The following MILR1 variants were observed in gnomAD, a reference collection of about 807,000 sequenced individuals.
MILR1 encodes mast cell immunoglobulin like receptor 1.
In MILR1, 31 loss-of-function variants were observed where a neutral mutation model predicts 18.5. The observed-to-expected ratio is 1.68, with a 90% CI of 1.26 to 2.26. The LOEUF (loss-of-function observed/expected upper bound fraction) is 2.26. MILR1 is among the 30% of genes most tolerant of loss of function. The pLI is 0.00. For missense variants in MILR1, 257 were observed against 157.4 expected, an observed-to-expected ratio of 1.63 and a Z score of -3.38; for synonymous variants, 85 against 56.2, an observed-to-expected ratio of 1.51 and a Z score of -2.30.
At chr17:64,458,792 A>C (rs1347506499) in intron 4 of MILR1, among the ~76,000 whole-genome samples, 1 of 151,928 alleles carries the variant, frequency 6.6e-6, no homozygotes, top group Non-Finnish European at 1.5e-5. Context: ...CCCCTGCCCA[A>C]TCAGATCAGA....
chr17:64,490,773 T>G, the MILR1 span: 2 of 1,589,560 alleles, frequency 1.3e-6, no homozygotes, highest in Non-Finnish European at 1.7e-6. Flanking sequence ...AAAAAATACA[T>G]AGGAGCTCCA....
intron 2 of MILR1, among the ~76,000 whole-genome samples, chr17:64,450,896 C>T (rs1225744938): frequency 6.6e-6 from 1 of 152,190 alleles, no homozygotes; most frequent in Non-Finnish European, 1.5e-5. Context: ...CTACAATAAA[C>T]ATCCTTGTAC....
chr17:64,497,054 C>A, the MILR1 span: 14 of 1,373,350 alleles, frequency 1.0e-5, no homozygotes, highest in Non-Finnish European at 1.3e-5. Context: ...TCCGGAGAGG[C>A]CACGGCGCAG....
chr17:64,466,404 G>A (rs782546464), intron 6 of MILR1, 38 bp from the exon 7 acceptor site: 5 of 1,592,316 alleles, frequency 3.1e-6, no homozygotes, highest in East Asian at 4.5e-5. Context: ...TAACACAAAC[G>A]CCACCAACCC....
At chr17:64,480,935 A>G in the MILR1 span, among the ~76,000 whole-genome samples, 3 of 152,238 alleles carry the variant, frequency 2.0e-5, no homozygotes, top group African/African-American at 7.2e-5. Flanking sequence ...CTTGACTGGA[A>G]ATACAGAAGT....
the MILR1 span, among the ~76,000 whole-genome samples, chr17:64,495,896 A>T: frequency 6.6e-6 from 1 of 152,120 alleles, no homozygotes; most frequent in African/African-American, 2.4e-5. Flanking sequence ...TTTAGTAGAG[A>T]CGGGGTTTCA....
At chr17:64,485,706 A>G in the MILR1 span, 36 of 1,594,026 alleles carry the variant, frequency 2.3e-5, no homozygotes, top group South Asian at 3.6e-4. Flanking sequence ...TCCCAAGTCT[A>G]TCTCTGAAAT....
chr17:64,477,199 G>C, the MILR1 span, among the ~76,000 whole-genome samples: 4 of 152,192 alleles, frequency 2.6e-5, no homozygotes, highest in Admixed American at 6.5e-5. Context: ...ATTTCTGAGA[G>C]AGTAAGATAC....
rs1488682132 is a variant in MILR1, at chr17:64,452,691, G to C, written c.192G>C (p.Gln64His). The part of the protein sequence containing the change: ...MFCSHKNKSL[Q>H]ITYSLFRRKT... ...GTTCCCATAAGAACAAATCACTGCA[G>C]ATCACCTATTCATTGTTTCGACGTA... Residue 64 changes from glutamine to histidine, a missense_variant, in exon 3 of 10, where the codon CAG becomes CAC. By Grantham distance (24) the Gln-to-His change is conservative. Coordinates refer to ENST00000619286, the MANE Select transcript of MILR1 (RefSeq NM_001085423.2). 2 of 474,368 alleles carry C rather than the reference G, an allele frequency of 4.2e-6. No homozygotes were observed. Among genetic ancestry groups the C allele is most frequent in the Non-Finnish European group, 7.7e-6 (2 of 258,702 alleles). The allele number at this position is 474,368 out of a possible 1,614,324, so 29.4% of individuals were successfully genotyped here. A position where few individuals can be genotyped will look rare whatever the true frequency, so the allele number is the denominator to read the frequency against.
At chr17:64,450,374 T>C (rs2037142462) in intron 2 of MILR1, among the ~76,000 whole-genome samples, 2 of 152,204 alleles carry the variant, frequency 1.3e-5, no homozygotes, top group Non-Finnish European at 2.9e-5. Flanking sequence ...TGGTGGTTGT[T>C]ACTGTATAAA....
intron 6 of MILR1, 50 bp from the exon 7 acceptor site, chr17:64,466,392 T>C (rs1555663177): frequency 6.5e-7 from 1 of 1,547,730 alleles, no homozygotes. Flanking sequence ...ACCGACCTTT[T>C]CTAACACAAA....
the MILR1 span, among the ~76,000 whole-genome samples, chr17:64,476,287 CA>C: frequency 7.9e-5 from 12 of 152,020 alleles, no homozygotes; most frequent in Non-Finnish European, 1.6e-4. Flanking sequence ...TCCTTGATAT[CA>C]TGTAGTGTTA....
At chr17:64,492,175 C>T in the MILR1 span, among the ~76,000 whole-genome samples, 1 of 152,110 alleles carries the variant, frequency 6.6e-6, no homozygotes, top group African/African-American at 2.4e-5. Flanking sequence ...CTTGATGACT[C>T]GTGATTATTT....
At chr17:64,469,887 G>C (rs1271563848), downstream of MILR1, among the ~76,000 whole-genome samples, 1 of 152,152 alleles carries the variant, frequency 6.6e-6, no homozygotes, top group Non-Finnish European at 1.5e-5. Context: ...ACCCGACCCT[G>C]GTTATTAAGC....
At chr17:64,449,430 C>T (rs1431510763) in intron 2 of MILR1, 75 bp downstream of exon 2, 23 of 418,752 alleles carry the variant, frequency 5.5e-5, no homozygotes, top group Middle Eastern at 6.2e-4. Context: ...GCAACATAAG[C>T]GTCCATTCAA....
the MILR1 span, among the ~76,000 whole-genome samples, chr17:64,489,738 T>TA: frequency 3.3e-5 from 5 of 150,994 alleles, no homozygotes; most frequent in South Asian, 8.4e-4. Context: ...GCCTGAGTGA[T>TA]AGAGTGAGAT....
At chr17:64,492,857 T>C in the MILR1 span, 14 of 1,612,714 alleles carry the variant, frequency 8.7e-6, no homozygotes, top group East Asian at 2.2e-5. Context: ...TTTTTGACTA[T>C]TTAAATACAA....
chr17:64,492,216 T>C, the MILR1 span, among the ~76,000 whole-genome samples: 2 of 152,232 alleles, frequency 1.3e-5, no homozygotes, highest in Non-Finnish European at 2.9e-5. Flanking sequence ...TTGGGGATGT[T>C]TGAGTCGGGA....
chr17:64,452,542 C>A, intron 2 of MILR1, 55 bp from the exon 3 acceptor site: 1 of 412,448 alleles, frequency 2.4e-6, no homozygotes, highest in South Asian at 1.3e-4. Flanking sequence ...CGTGAACCAC[C>A]TTGCCCGGCC....
Sources: gnomAD v4.1 joint callset for allele counts (sites outside exome capture counted in the v4.1 genomes callset) on GRCh38, gnomAD v4.1.1 for gene constraint, MANE v1.5 for transcripts, NCBI Gene and HGNC (gene_info 2026-07-23, HGNC 2026-07-21) for gene names.